The following FRMD3 variants were observed in gnomAD, a reference collection of about 807,000 sequenced individuals.
FRMD3 encodes the protein FERM domain containing 3.
Under a neutral mutation model 70.2 loss-of-function variants are expected in FRMD3, and 33 were observed. The ratio of observed to expected loss-of-function variants is 0.47; its 90% confidence interval spans 0.36 to 0.63. FRMD3 has a LOEUF of 0.63. FRMD3 is among the 20% of genes least tolerant of loss of function. FRMD3 has a pLI of 0.00. For missense variants in FRMD3, 632 were observed against 711.4 expected, an observed-to-expected ratio of 0.89 and a Z score of 1.27; for synonymous variants, 279 against 255.9, an observed-to-expected ratio of 1.09 and a Z score of -0.86.
At chr9:83,458,342 A>G (rs893727339) in intron 1 of FRMD3, among the ~76,000 whole-genome samples, 10 of 152,242 alleles carry the variant, frequency 6.6e-5, no homozygotes, top group Non-Finnish European at 2.9e-5. Flanking sequence ...CATTAAGTAA[A>G]GGTACTGTAA....
At position 83,247,396 on chromosome 9, in the gene FRMD3, T is replaced by TG. The variant is rs3029549; in HGVS notation, c.*521dup. 8 of 979,788 alleles carry TG rather than the reference T, an allele frequency of 8.2e-6. No homozygotes were observed. The highest frequency in any genetic ancestry group is 4.7e-5 in the South Asian group (1 of 21,118). 60.7% of individuals were successfully genotyped at this position (979,788 alleles called of 1,614,324 possible). On this transcript the variant is annotated 3_prime_UTR_variant, in exon 14 of 14. Coordinates refer to ENST00000304195, the MANE Select transcript of FRMD3 (RefSeq NM_174938.6). ...CTCCAGGAGGCTTCTTTTTTTTTTT[T>TG]GCTAAAAATTTACCAAAATAGTTTG... is the stretch of plus-strand genomic sequence containing the variant.
chr9:83,555,572 G>A, the FRMD3 span, among the ~76,000 whole-genome samples: 925 of 152,316 alleles, frequency 6.1e-3, 13 homozygotes, highest in African/African-American at 0.019. Flanking sequence ...ACTACTGGTA[G>A]CCAGCTGGAG....
At chr9:83,511,664 T>C (rs1482708361) in intron 1 of FRMD3, among the ~76,000 whole-genome samples, 1 of 152,216 alleles carries the variant, frequency 6.6e-6, no homozygotes, top group Non-Finnish European at 1.5e-5. Flanking sequence ...AAGTAGCTGC[T>C]GTACCTCTTG....
At chr9:83,315,585 G>A (rs1273032168) in intron 6 of FRMD3, among the ~76,000 whole-genome samples, 1 of 152,134 alleles carries the variant, frequency 6.6e-6, no homozygotes, top group African/African-American at 2.4e-5. Context: ...TCAGGCTCCA[G>A]CCACATAAGA....
At position 83,434,998 on chromosome 9, in the gene FRMD3, C is replaced by T. The variant is rs776335020; in HGVS notation, c.148-45290G>A. ...CACCACCACGGCAGGCTAATTTTTG[C>T]GGGTTTTTTCTGTAGAGATGGGGTT... On this transcript the variant is annotated intron_variant, in intron 1 of 13. Transcript: ENST00000304195. Among the ~76,000 whole-genome samples the T allele has an allele frequency of 3.3e-5, 5 of 151,688 alleles. No individual in the cohort carries two copies. The South Asian group carries it at 6.3e-4, about 19-fold the overall frequency.
chr9:83,458,403 A>G (rs1827881512), intron 1 of FRMD3, among the ~76,000 whole-genome samples: 1 of 152,250 alleles, frequency 6.6e-6, no homozygotes, highest in Admixed American at 6.5e-5. Flanking sequence ...GTTGGATCAC[A>G]TACCATGACT....
chr9:83,284,218 T>C (rs1287268237), intron 13 of FRMD3, among the ~76,000 whole-genome samples: 1 of 152,064 alleles, frequency 6.6e-6, no homozygotes, highest in East Asian at 1.9e-4. Context: ...GGGTTGGTCA[T>C]CACCAGGTAG....
chr9:83,344,597 C>T (rs1251901382), intron 4 of FRMD3, among the ~76,000 whole-genome samples: 1 of 152,178 alleles, frequency 6.6e-6, no homozygotes, highest in Non-Finnish European at 1.5e-5. Context: ...GGACATCAAT[C>T]TTCTATCCTC....
chr9:83,382,497 G>T (rs1362082618), intron 2 of FRMD3, among the ~76,000 whole-genome samples: 1 of 152,156 alleles, frequency 6.6e-6, no homozygotes, highest in Non-Finnish European at 1.5e-5. Flanking sequence ...GACACAGAGG[G>T]TGTAAGGAAC....
chr9:83,258,914 C>T (rs1832852262), intron 13 of FRMD3, among the ~76,000 whole-genome samples: 1 of 152,162 alleles, frequency 6.6e-6, no homozygotes, highest in South Asian at 2.1e-4. Context: ...CCCTTGGAGG[C>T]ACCCTGAGAC....
chr9:83,531,549 T>C (rs1028533087), intron 1 of FRMD3, among the ~76,000 whole-genome samples: 7 of 152,202 alleles, frequency 4.6e-5, no homozygotes, highest in African/African-American at 1.7e-4. Flanking sequence ...ATTCCTTTTG[T>C]GTCTGATTTT....
At chr9:83,458,668 G>A (rs1827887657) in intron 1 of FRMD3, among the ~76,000 whole-genome samples, 1 of 152,128 alleles carries the variant, frequency 6.6e-6, no homozygotes. Flanking sequence ...CCACAGAAAT[G>A]AAAAGCAAGG....
intron 3 of FRMD3, among the ~76,000 whole-genome samples, chr9:83,357,237 TAATACATACATATATATATATATATA>T (rs1824392654): frequency 9.1e-5 from 1 of 10,938 alleles, no homozygotes; most frequent in Non-Finnish European, 1.6e-4. Flanking sequence ...TATATATATA[TAATACATACATATATATATATATATA>T]TATATATATA....
chr9:83,286,799 G>A (rs1163297176), intron 13 of FRMD3, among the ~76,000 whole-genome samples: 2 of 152,172 alleles, frequency 1.3e-5, no homozygotes, highest in Non-Finnish European at 2.9e-5. Flanking sequence ...CCACCACTCT[G>A]TGTTTGAAGC....
intron 1 of FRMD3, among the ~76,000 whole-genome samples, chr9:83,459,201 T>G (rs1827901619): frequency 1.3e-5 from 2 of 152,212 alleles, no homozygotes; most frequent in South Asian, 4.1e-4. Flanking sequence ...GTCCATCACT[T>G]AAGAGCCTGT....
In FRMD3 at chr9:83,472,991, G is replaced by GA. The variant is rs764857082; in HGVS notation, c.147+65093dup. ...CCACCAACCCTGCCACACTCACCAG[G>GA]ATTGTGGCGAAACCTCCCAGGCTCC... is the stretch of plus-strand genomic sequence containing the variant. On this transcript the variant is annotated intron_variant, in intron 1 of 13. Coordinates refer to ENST00000304195, the MANE Select transcript of FRMD3 (RefSeq NM_174938.6). Among the ~76,000 whole-genome samples the GA allele has an allele frequency of 1.8e-3, 278 of 152,148 alleles. 2 individuals carry two copies. The highest frequency in any genetic ancestry group is 1.1e-3 in the Non-Finnish European group (77 of 67,992).
At chr9:83,376,611 CTTTTT>C (rs5898828) in intron 2 of FRMD3, among the ~76,000 whole-genome samples, 1 of 132,016 alleles carries the variant, frequency 7.6e-6, no homozygotes, top group Non-Finnish European at 1.6e-5. Flanking sequence ...TGCTATATTC[CTTTTT>C]TTTTTTTTTT....
chr9:83,328,637 T>C (rs1358007607), intron 6 of FRMD3, among the ~76,000 whole-genome samples: 1 of 152,208 alleles, frequency 6.6e-6, no homozygotes, highest in Non-Finnish European at 1.5e-5. Flanking sequence ...ATAAAATCTT[T>C]CAAACCATGA....
In FRMD3 at chr9:83,247,066, A is replaced by G; in HGVS notation, c.*852T>C. ...TTCTTTTTAAAACATCTGCTTCTCC[A>G]GCCAAAATATACGGACAGAATACAA... On this transcript the variant is annotated 3_prime_UTR_variant, in exon 14 of 14. Coordinates refer to ENST00000304195, the MANE Select transcript of FRMD3 (RefSeq NM_174938.6). 1.0e-6 allele frequency: 1 copy of G among 985,424 alleles called. No homozygotes were observed. Among genetic ancestry groups the G allele is most frequent in the Non-Finnish European group, 1.2e-6 (1 of 829,932 alleles). The allele number at this position is 985,424 out of a possible 1,614,324, so 61.0% of individuals were successfully genotyped here.
Sources: allele counts gnomAD v4.1 joint callset (sites outside exome capture counted in the v4.1 genomes callset), GRCh38; gene constraint gnomAD v4.1.1; transcripts MANE v1.5; gene names NCBI Gene and HGNC (gene_info 2026-07-23, HGNC 2026-07-21).